RABGAP1L: variants seen among roughly 807,000 people sequenced by gnomAD.
The protein encoded by RABGAP1L is RAB GTPase activating protein 1 like.
In RABGAP1L, 63 loss-of-function variants were observed where a neutral mutation model predicts 137.7. That is an observed-to-expected ratio of 0.46 (90% CI 0.37 to 0.56). The LOEUF (loss-of-function observed/expected upper bound fraction) is 0.56. RABGAP1L is among the 20% of genes least tolerant of loss of function. The probability of loss-of-function intolerance (pLI) is 0.00; values close to 1 mark genes in which losing one functional copy is unlikely to be tolerated. For missense variants in RABGAP1L, 1,095 were observed against 1,244.0 expected, an observed-to-expected ratio of 0.88 and a Z score of 1.80; for synonymous variants, 431 against 433.7, an observed-to-expected ratio of 0.99 and a Z score of 0.08.
At position 174,903,865 on chromosome 1, in the gene RABGAP1L, G is replaced by A. The variant is rs113316755; in HGVS notation, c.2341-53592G>A. On this transcript the variant is annotated intron_variant, in intron 19 of 25. Coordinates refer to ENST00000681986, the MANE Select transcript of RABGAP1L (RefSeq NM_001366446.1). The stretch of plus-strand genomic sequence containing the variant: ...CTTGGGAGGCTGAGGCAGGAGAATC[G>A]CTTGAAGCCGTGAGGTGGAGGTTTT... Among the ~76,000 whole-genome samples, 816 of 151,734 alleles carry A rather than the reference G, an allele frequency of 5.4e-3. 11 individuals carry two copies. Among genetic ancestry groups the A allele is most frequent in the African/African-American group, 0.019 (772 of 41,350 alleles).
intron 7 of RABGAP1L, among the ~76,000 whole-genome samples, chr1:174,260,902 A>AT (rs532869931): frequency 0.062 from 9,185 of 147,376 alleles, 915 homozygotes; most frequent in African/African-American, 0.21. Context: ...TGTCTAGTTG[A>AT]TTTTTTTTTT....
chr1:174,554,481 T>C (rs898284903), intron 13 of RABGAP1L, among the ~76,000 whole-genome samples: 9 of 152,222 alleles, frequency 5.9e-5, no homozygotes, highest in African/African-American at 2.2e-4. Flanking sequence ...CCTTGGCATT[T>C]GTAAATGAGT....
chr1:174,926,558 C>T (rs959971876), intron 19 of RABGAP1L, among the ~76,000 whole-genome samples: 2 of 150,394 alleles, frequency 1.3e-5, no homozygotes, highest in Admixed American at 1.3e-4. Flanking sequence ...TTGGTTGTTG[C>T]TAGTGTATAG....
At chr1:174,875,137 G>C (rs576888278) in intron 19 of RABGAP1L, among the ~76,000 whole-genome samples, 2 of 152,320 alleles carry the variant, frequency 1.3e-5, no homozygotes, top group East Asian at 3.9e-4. Flanking sequence ...AAGAACCTGT[G>C]TAGAATTCTA....
chr1:174,176,741 A>AAAAAAAAAAAAAAAAAAAATAAAAT (rs755688394), intron 1 of RABGAP1L, among the ~76,000 whole-genome samples: 1 of 111,778 alleles, frequency 8.9e-6, no homozygotes, highest in Non-Finnish European at 1.8e-5. Context: ...AAAAAAAAAA[A>AAAAAAAAAAAAAAAAAAAATAAAAT]AAAAAGGTCA....
intron 13 of RABGAP1L, among the ~76,000 whole-genome samples, chr1:174,397,025 C>A (rs1408669195): frequency 6.6e-6 from 1 of 151,852 alleles, no homozygotes; most frequent in African/African-American, 2.4e-5. Flanking sequence ...ACCTGTAGTC[C>A]CAGCTGTTTG....
At chr1:174,576,436 G>A (rs1342460992) in intron 13 of RABGAP1L, among the ~76,000 whole-genome samples, 1 of 152,262 alleles carries the variant, frequency 6.6e-6, no homozygotes, top group East Asian at 1.9e-4. Flanking sequence ...TCTTGGTGAT[G>A]TGAAACCTCC....
intron 7 of RABGAP1L, among the ~76,000 whole-genome samples, chr1:174,269,223 C>T (rs1004787797): frequency 5.9e-5 from 9 of 152,336 alleles, no homozygotes; most frequent in African/African-American, 1.9e-4. Context: ...GATTTACAGG[C>T]GTGAGCCACT....
At chr1:174,616,083 C>G (rs1406739837) in intron 13 of RABGAP1L, among the ~76,000 whole-genome samples, 1 of 152,208 alleles carries the variant, frequency 6.6e-6, no homozygotes, top group Admixed American at 6.5e-5. Flanking sequence ...GCGCTGCACC[C>G]ACTGTCCTGT....
At chr1:174,788,713 T>C (rs1355404213) in intron 18 of RABGAP1L, among the ~76,000 whole-genome samples, 1 of 152,180 alleles carries the variant, frequency 6.6e-6, no homozygotes. Context: ...GCCTCAAATG[T>C]ACCTATTGGA....
At chr1:174,583,302 AATTCCATTTCAAGGGAGTC>A (rs1450662513) in intron 13 of RABGAP1L, among the ~76,000 whole-genome samples, 1 of 152,122 alleles carries the variant, frequency 6.6e-6, no homozygotes, top group Non-Finnish European at 1.5e-5. Context: ...TTGCCCTAAA[AATTCCATTTCAAGGGAGTC>A]AAAGGCTCTC....
chr1:174,695,112 T>G (rs2148507425), intron 15 of RABGAP1L, among the ~76,000 whole-genome samples: 1 of 152,312 alleles, frequency 6.6e-6, no homozygotes, highest in East Asian at 1.9e-4. Context: ...CTTTGTCAGA[T>G]GAGTAGGTTG....
At chr1:174,614,172 G>C (rs556744195) in intron 13 of RABGAP1L, among the ~76,000 whole-genome samples, 140 of 152,140 alleles carry the variant, frequency 9.2e-4, no homozygotes, top group African/African-American at 3.3e-3. Flanking sequence ...TTACAATTTG[G>C]CATGATTTTG....
intron 14 of RABGAP1L, among the ~76,000 whole-genome samples, chr1:174,638,805 A>G (rs1163191622): frequency 2.0e-5 from 3 of 147,828 alleles, no homozygotes. Context: ...CAAACACCGC[A>G]TATTCTCCCT....
rs549834803 is a variant in RABGAP1L at position 174,761,853 on chromosome 1, C to A, written c.2211+9499C>A. ...ATTCAAGATGAGGTTTGGGTGGGGA[C>A]ACAGCCAAACCATATCAACAATAAA... is the stretch of plus-strand genomic sequence containing the variant. On this transcript the variant is annotated intron_variant, in intron 18 of 25. Coordinates refer to ENST00000681986, the MANE Select transcript of RABGAP1L (RefSeq NM_001366446.1). This position sits in a 1 kb window ranked among gnomAD's most constrained non-coding sequence, Gnocchi z 4.0. 1.3e-5 allele frequency among the ~76,000 whole-genome samples: 2 copies of A among 151,972 alleles called. No individual in the cohort carries two copies. Among genetic ancestry groups the A allele is most frequent in the African/African-American group, 4.8e-5 (2 of 41,356 alleles).
intron 7 of RABGAP1L, 134 bp downstream of exon 7, chr1:174,252,724 C>T (rs868556248): frequency 1.5e-6 from 2 of 1,334,918 alleles, no homozygotes; most frequent in Admixed American, 3.8e-5. Context: ...ATAATACTTT[C>T]TCTACTTTAA....
chr1:174,318,624 CTTTCTTTCTTT>C (rs1298453134), intron 11 of RABGAP1L, among the ~76,000 whole-genome samples: 23 of 134,784 alleles, frequency 1.7e-4, no homozygotes, highest in African/African-American at 6.3e-4. Flanking sequence ...TTCTTTCTTT[CTTTCTTTCTTT>C]TTCTTTCTTT....
At chr1:174,457,569 C>G (rs1327202355) in intron 13 of RABGAP1L, among the ~76,000 whole-genome samples, 1 of 144,134 alleles carries the variant, frequency 6.9e-6, no homozygotes, top group Admixed American at 7.4e-5. Context: ...GTGGAGTGAT[C>G]TTGGCTCACT....
intron 13 of RABGAP1L, among the ~76,000 whole-genome samples, chr1:174,494,479 TC>T (rs1300018456): frequency 6.6e-6 from 1 of 152,210 alleles, no homozygotes; most frequent in Non-Finnish European, 1.5e-5. Context: ...TTCTTGGTTT[TC>T]CATGTGAAAT....
Sources: gnomAD v4.1 joint callset for allele counts (sites outside exome capture counted in the v4.1 genomes callset) on GRCh38, gnomAD v4.1.1 for gene constraint, Gnocchi (gnomAD v3.1) non-coding constraint, MANE v1.5 for transcripts, NCBI Gene and HGNC (gene_info 2026-07-23, HGNC 2026-07-21) for gene names.